GRM8: variants seen among roughly 807,000 people sequenced by gnomAD.
The protein encoded by GRM8 is metabotropic glutamate receptor 8.
In GRM8, 47 loss-of-function variants were observed where a neutral mutation model predicts 87.2. The observed-to-expected ratio is 0.54, with a 90% CI of 0.43 to 0.69. GRM8 has a LOEUF of 0.69. GRM8 is among the 30% of genes least tolerant of loss of function. GRM8 has a pLI of 0.00. For synonymous variants in GRM8, 396 were observed against 404.5 expected, an observed-to-expected ratio of 0.98 and a Z score of 0.25; for missense variants, 1,019 against 1,139.2, an observed-to-expected ratio of 0.89 and a Z score of 1.52.
intron 3 of GRM8, among the ~76,000 whole-genome samples, chr7:127,039,296 A>G (rs1432473187): frequency 6.6e-6 from 1 of 152,140 alleles, no homozygotes; most frequent in Non-Finnish European, 1.5e-5. Flanking sequence ...TGGTGTTCTT[A>G]TAAGAACAGG....
rs548191466 is a variant in GRM8, at chr7:126,999,807, C to G, written c.728-95124G>C. ...TCGGTGAGAATGTGAATTATTACAA[C>G]TGCTATGGAGAACAGTGTGAAAATT... is the stretch of plus-strand genomic sequence containing the variant. On this transcript the variant is annotated intron_variant, in intron 3 of 10. Coordinates refer to ENST00000339582, the MANE Select transcript of GRM8 (RefSeq NM_000845.3). Among the ~76,000 whole-genome samples, 18 of 151,936 alleles carry G rather than the reference C, an allele frequency of 1.2e-4. 1 individual carries two copies. Among genetic ancestry groups the G allele is most frequent in the African/African-American group, 4.3e-4 (18 of 41,544 alleles).
chr7:126,760,535 C>T (rs924243907), intron 7 of GRM8, among the ~76,000 whole-genome samples: 1 of 152,142 alleles, frequency 6.6e-6, no homozygotes, highest in African/African-American at 2.4e-5. Context: ...TAATACTTTA[C>T]AGCTAGCTTG....
intron 2 of GRM8, among the ~76,000 whole-genome samples, chr7:127,214,582 A>G (rs551543528): frequency 6.6e-6 from 1 of 152,352 alleles, no homozygotes; most frequent in Admixed American, 6.5e-5. Flanking sequence ...GCGAAAGAGA[A>G]GCAAGTCACG....
intron 3 of GRM8, among the ~76,000 whole-genome samples, chr7:126,955,428 T>C (rs1212242864): frequency 6.6e-6 from 1 of 152,188 alleles, no homozygotes; most frequent in Non-Finnish European, 1.5e-5. Context: ...TTTGAATCGC[T>C]ATCAACTCAT....
intron 2 of GRM8, among the ~76,000 whole-genome samples, chr7:127,134,816 A>G (rs1021851846): frequency 6.6e-6 from 1 of 152,146 alleles, no homozygotes; most frequent in Middle Eastern, 3.2e-3. Flanking sequence ...AGCTAAGTGA[A>G]AAGTCTATCA....
chr7:126,688,272 G>A (rs993881103), intron 7 of GRM8, among the ~76,000 whole-genome samples: 12 of 152,194 alleles, frequency 7.9e-5, no homozygotes, highest in African/African-American at 2.9e-4. Context: ...GATGGGTAAA[G>A]TGAATATTGG....
intron 7 of GRM8, among the ~76,000 whole-genome samples, chr7:126,618,143 T>C (rs1799724341): frequency 6.6e-6 from 1 of 152,156 alleles, no homozygotes; most frequent in Non-Finnish European, 1.5e-5. Context: ...AAGGCTACAG[T>C]AACCAAAACA....
At position 126,506,654 on chromosome 7, in the gene GRM8, C is replaced by A. The variant is rs148833318; in HGVS notation, c.2430+26298G>T. Among the ~76,000 whole-genome samples, 4 of 152,006 alleles carry A rather than the reference C, an allele frequency of 2.6e-5. No individual in the cohort carries two copies. In the East Asian group the frequency reaches 7.8e-4, roughly 30 times the overall value. ...AATAGCCAGGCATGGTGGTGCGCACCTGTAACCCCAGCTACTTGAGAGGCT... is the reference window on the plus strand; with the variant it reads ...AATAGCCAGGCATGGTGGTGCGCACATGTAACCCCAGCTACTTGAGAGGCT... On this transcript the variant is annotated intron_variant, in intron 9 of 10. Coordinates refer to ENST00000339582, the MANE Select transcript of GRM8 (RefSeq NM_000845.3).
intron 3 of GRM8, among the ~76,000 whole-genome samples, chr7:127,036,211 A>T (rs958516370): frequency 8.7e-5 from 13 of 150,188 alleles, no homozygotes; most frequent in Non-Finnish European, 1.6e-4. Flanking sequence ...ACACCATATT[A>T]AAAAAAAACT....
chr7:126,872,008 A>C (rs376192385), intron 6 of GRM8, among the ~76,000 whole-genome samples: 15 of 152,308 alleles, frequency 9.8e-5, no homozygotes, highest in Non-Finnish European at 1.6e-4. Context: ...TGCATGAAGA[A>C]TGTGCAGATA....
chr7:126,965,990 A>T (rs1481942745), intron 3 of GRM8, among the ~76,000 whole-genome samples: 1 of 152,158 alleles, frequency 6.6e-6, no homozygotes, highest in Non-Finnish European at 1.5e-5. Flanking sequence ...GGCCATAGGA[A>T]GTATTCAAAA....
chr7:127,015,052 GAAGAAGAAGAAGAA>G (rs1815353602), intron 3 of GRM8, among the ~76,000 whole-genome samples: 2 of 119,040 alleles, frequency 1.7e-5, no homozygotes, highest in African/African-American at 6.0e-5. Context: ...AGAAGAAGAA[GAAGAAGAAGAAGAA>G]GAAAGAAAGA....
intron 3 of GRM8, among the ~76,000 whole-genome samples, chr7:127,052,367 T>A (rs1819578538): frequency 6.6e-6 from 1 of 152,112 alleles, no homozygotes; most frequent in South Asian, 2.1e-4. Context: ...TCAGTAGTTG[T>A]TCCCTGTCCA....
At chr7:126,771,427 T>G (rs889711835) in intron 6 of GRM8, among the ~76,000 whole-genome samples, 2 of 151,982 alleles carry the variant, frequency 1.3e-5, no homozygotes, top group African/African-American at 4.8e-5. Flanking sequence ...CCTCCCTGTT[T>G]GGCATAGGTT....
At chr7:126,961,455 G>C (rs1195208406) in intron 3 of GRM8, among the ~76,000 whole-genome samples, 1 of 152,112 alleles carries the variant, frequency 6.6e-6, no homozygotes, top group Non-Finnish European at 1.5e-5. Flanking sequence ...CATTTGTCTA[G>C]AATAAAGCTT....
At chr7:127,180,214 T>C (rs551171650) in intron 2 of GRM8, among the ~76,000 whole-genome samples, 5 of 152,190 alleles carry the variant, frequency 3.3e-5, no homozygotes, top group African/African-American at 9.6e-5. Flanking sequence ...TCAAGGCTAC[T>C]ATGACGCATT....
At chr7:126,800,239 A>C (rs898482411) in intron 6 of GRM8, among the ~76,000 whole-genome samples, 1 of 152,172 alleles carries the variant, frequency 6.6e-6, no homozygotes, top group East Asian at 1.9e-4. Flanking sequence ...ATCCTAATGC[A>C]TTGCTTTGTA....
At chr7:127,111,267 A>G (rs1826321696) in intron 2 of GRM8, 1 of 152,228 alleles carries the variant, frequency 6.6e-6, no homozygotes, top group African/African-American at 2.4e-5. Context: ...GCAAACTCTG[A>G]GAAATTCCAA....
intron 2 of GRM8, among the ~76,000 whole-genome samples, chr7:127,204,092 G>A (rs1460220307): frequency 1.3e-5 from 2 of 151,636 alleles, no homozygotes; most frequent in Non-Finnish European, 2.9e-5. Context: ...AAAAATAGCA[G>A]GACTCAAGCC....
Sources: allele counts gnomAD v4.1 joint callset (sites outside exome capture counted in the v4.1 genomes callset), GRCh38; gene constraint gnomAD v4.1.1; transcripts MANE v1.5; gene names NCBI Gene and HGNC (gene_info 2026-07-23, HGNC 2026-07-21).